Variants in CSF1 observed in about 807,000 individuals in gnomAD.
CSF1 encodes colony stimulating factor 1.
In CSF1, 9 loss-of-function variants were observed where a neutral mutation model predicts 48.9. That is an observed-to-expected ratio of 0.18 (90% CI 0.11 to 0.32). The LOEUF (loss-of-function observed/expected upper bound fraction) is 0.32, where lower values mean the gene tolerates loss of function less well. Ranked by LOEUF, CSF1 falls within the 10% of genes least tolerant of loss-of-function variation. The pLI, the probability that CSF1 is intolerant of heterozygous loss-of-function variation, is 1.00. For synonymous variants in CSF1, 305 were observed against 284.1 expected (o/e 1.07, Z -0.74); for missense variants, 672 against 697.9 (o/e 0.96, Z 0.42).
At chr1:109,927,777 A>T (rs1005229371) in intron 8 of CSF1, among the ~76,000 whole-genome samples, 1 of 152,170 alleles carries the variant, frequency 6.6e-6, no homozygotes, top group East Asian at 1.9e-4. Flanking sequence ...GAGAAGTGAG[A>T]GAGAGAAACA....
At position 109,917,347 on chromosome 1, in the gene CSF1, G is replaced by C. The variant is rs942726592; in HGVS notation, c.280G>C (p.Glu94Gln). The C allele has an allele frequency of 3.1e-6, 5 of 1,614,154 alleles. No homozygotes were observed. The highest frequency in any genetic ancestry group is 4.2e-6 in the Non-Finnish European group (5 of 1,180,040). ...ATTTCTCCTGGTACAAGACATAATG[G>C]AGGACACCATGCGCTTCAGAGATAA... ...KAFLLVQDIM[E>Q]DTMRFRDNTP... is the part of the protein sequence containing the mutation. Residue 94 changes from glutamate to glutamine, a missense_variant, in exon 4 of 9, where the codon GAG becomes CAG. By Grantham distance (29) the Glu-to-Gln change is conservative. This residue lies in a region of CSF1 where 591 missense variants were observed against 593.6 expected (regional missense o/e 1.00). Coordinates refer to ENST00000329608, the MANE Select transcript of CSF1 (RefSeq NM_000757.6).
At chr1:109,920,209 G>A (rs1165552115) in intron 4 of CSF1, among the ~76,000 whole-genome samples, 1 of 149,898 alleles carries the variant, frequency 6.7e-6, no homozygotes, top group Admixed American at 6.6e-5. Flanking sequence ...AAAAAAAAAT[G>A]TTTACCAGAT....
At position 109,923,921 on chromosome 1, in the gene CSF1, G is replaced by C. The variant is rs146089530; in HGVS notation, c.1300G>C (p.Val434Leu). The C allele has an allele frequency of 1.3e-4, 216 of 1,614,008 alleles. No individual in the cohort carries two copies. The highest frequency in any genetic ancestry group is 1.7e-4 in the Non-Finnish European group (206 of 1,179,958). The change falls in exon 6 of 9, where the codon GTG becomes CTG. Residue 434 changes from valine (V) to leucine (L), a missense_variant. Around this residue, in one of 3 missense-constraint regions of CSF1, gnomAD observed 591 missense variants for 593.6 expected, o/e 1.00. Coordinates refer to ENST00000329608, the MANE Select transcript of CSF1 (RefSeq NM_000757.6). ...TTCCAGAAGCCACTCCTCGGGCAGCGTGCTGCCCCTTGGGGAGCTGGAGGG... is the reference window on the plus strand; with the variant it reads ...TTCCAGAAGCCACTCCTCGGGCAGCCTGCTGCCCCTTGGGGAGCTGGAGGG... ...QLSRSHSSGSVLPLGELEGRR... is the reference protein window; with the variant it reads ...QLSRSHSSGSLLPLGELEGRR...
intron 4 of CSF1, among the ~76,000 whole-genome samples, chr1:109,920,294 G>A (rs1291803296): frequency 6.6e-6 from 1 of 151,986 alleles, no homozygotes; most frequent in Non-Finnish European, 1.5e-5. Flanking sequence ...TAAACTGCCG[G>A]AGTCTCACTC....
chr1:109,911,484 C>T (rs1010153014), intron 1 of CSF1, among the ~76,000 whole-genome samples: 6 of 152,230 alleles, frequency 3.9e-5, no homozygotes, highest in Non-Finnish European at 5.9e-5. Flanking sequence ...CTTCCAAGGC[C>T]CTGCTGAGGA....
intron 4 of CSF1, among the ~76,000 whole-genome samples, chr1:109,918,710 G>A (rs1049004458): frequency 6.6e-6 from 1 of 152,176 alleles, no homozygotes; most frequent in Non-Finnish European, 1.5e-5. Context: ...GCAGGTTTGA[G>A]GGAAGACAGT....
intron 5 of CSF1, 76 bp from the exon 6 acceptor site, chr1:109,923,090 G>T (rs1647637982): frequency 7.1e-7 from 1 of 1,404,264 alleles, no homozygotes; most frequent in African/African-American, 1.4e-5. Flanking sequence ...GCCCCGCTCT[G>T]GGAAAGCTGT....
chr1:109,924,205 A>T lies in CSF1; in HGVS notation c.1569+15A>T. 4 of 1,586,510 alleles carry T rather than the reference A, an allele frequency of 2.5e-6. No homozygotes were observed. Among genetic ancestry groups the T allele is most frequent in the Non-Finnish European group, 3.4e-6 (4 of 1,167,328 alleles). On this transcript the variant is annotated intron_variant, in intron 6 of 8. Coordinates refer to ENST00000329608, the MANE Select transcript of CSF1 (RefSeq NM_000757.6). ...GGAGGCGGCGGGTGAGTAGATCCCC[A>T]TGAGGAAGAAGAGCACGTCCCTTAG...
intron 1 of CSF1, among the ~76,000 whole-genome samples, chr1:109,911,328 C>G (rs982997795): frequency 6.6e-6 from 1 of 152,232 alleles, no homozygotes; most frequent in African/African-American, 2.4e-5. Flanking sequence ...GAGGGGAACA[C>G]TGAGCCACCT....
At chr1:109,917,180 G>T (rs1032787693) in intron 3 of CSF1, 113 bp from the exon 4 acceptor site, 111 of 1,103,680 alleles carry the variant, frequency 1.0e-4, no homozygotes, top group Admixed American at 8.9e-5. Context: ...GGCATGGTGT[G>T]GTCCCTCCCC....
rs550820126 is a variant in CSF1, at chr1:109,919,890, C to T, written c.397-1957C>T. ...AGTAGAATCGCTTGACCCAGGGTGG[C>T]GGAGGTTGCAGTGAGCTGAGATCGA... On this transcript the variant is annotated intron_variant, in intron 4 of 8. Coordinates refer to ENST00000329608, the MANE Select transcript of CSF1 (RefSeq NM_000757.6). Among the ~76,000 whole-genome samples, 5 of 151,596 alleles carry T rather than the reference C, an allele frequency of 3.3e-5. No homozygotes were observed. In the South Asian group the frequency reaches 6.3e-4, roughly 19 times the overall value.
chr1:109,919,681 C>T (rs943842969), intron 4 of CSF1, among the ~76,000 whole-genome samples: 3 of 152,084 alleles, frequency 2.0e-5, no homozygotes, highest in East Asian at 1.9e-4. Context: ...GCTCCAGGGC[C>T]GGGCGCGGTG....
intron 1 of CSF1, among the ~76,000 whole-genome samples, chr1:109,911,409 G>A (rs1460765272): frequency 6.6e-6 from 1 of 152,224 alleles, no homozygotes; most frequent in Non-Finnish European, 1.5e-5. Flanking sequence ...AGGCACGGGC[G>A]GAGTGGCTGT....
rs1378108727 is a variant in CSF1 at position 109,929,615 on chromosome 1, G to A, written c.*777G>A. ...GAGCTTCTCCAGGAGGCCAAGCAGA[G>A]GCTCCCCTCATGAAGGAAGCCATTG... On this transcript the variant is annotated 3_prime_UTR_variant, in exon 9 of 9. Coordinates refer to ENST00000329608, the MANE Select transcript of CSF1 (RefSeq NM_000757.6). 2 of 152,976 alleles carry A rather than the reference G, an allele frequency of 1.3e-5. No individual in the cohort carries two copies. The highest frequency in any genetic ancestry group is 3.8e-4 in the East Asian group (2 of 5,198). The allele number at this position is 152,976 out of a possible 1,614,324, so 9.5% of individuals were successfully genotyped here. A position where few individuals can be genotyped will look rare whatever the true frequency, so the allele number is the denominator to read the frequency against.
intron 8 of CSF1, among the ~76,000 whole-genome samples, chr1:109,927,231 G>A (rs567055596): frequency 6.6e-5 from 10 of 152,354 alleles, no homozygotes; most frequent in Non-Finnish European, 8.8e-5. Context: ...AGCCAGTGCC[G>A]CAGGGCTCTC....
chr1:109,915,440 C>T (rs910222298), intron 2 of CSF1, among the ~76,000 whole-genome samples, 194 bp from the exon 3 acceptor site: 1 of 152,176 alleles, frequency 6.6e-6, no homozygotes, highest in Non-Finnish European at 1.5e-5. Flanking sequence ...TCTTGTTCTT[C>T]TACAGCCTTC....
At chr1:109,928,079 C>T (rs941033381) in intron 8 of CSF1, among the ~76,000 whole-genome samples, 2 of 152,214 alleles carry the variant, frequency 1.3e-5, no homozygotes, top group African/African-American at 4.8e-5. Flanking sequence ...GAGGGAGGCT[C>T]CACACAAGGT....
intron 5 of CSF1, chr1:109,922,351 G>T (rs755594450): frequency 2.1e-5 from 4 of 194,374 alleles, no homozygotes; most frequent in Admixed American, 6.1e-5. Flanking sequence ...CTGAACGTGT[G>T]GGGGGTTCTG....
intron 3 of CSF1, 39 bp from the exon 4 acceptor site, chr1:109,917,254 C>T: frequency 6.3e-7 from 1 of 1,598,108 alleles, no homozygotes; most frequent in Admixed American, 1.7e-5. Context: ...TCCCAGGCCA[C>T]AATGGCCAGG....
Sources: gnomAD v4.1 joint callset for allele counts (sites outside exome capture counted in the v4.1 genomes callset) on GRCh38, gnomAD v4.1.1 for gene constraint, gnomAD v4.1.1 regional missense constraint, MANE v1.5 for transcripts, NCBI Gene and HGNC (gene_info 2026-07-23, HGNC 2026-07-21) for gene names.